Variants in CNNM4 observed in about 807,000 individuals in gnomAD.
The protein encoded by CNNM4 is metal transporter CNNM4.
A neutral mutation model predicts 53.7 loss-of-function variants in CNNM4; 32 were observed. The ratio of observed to expected loss-of-function variants is 0.60; its 90% CI spans 0.45 to 0.80. The LOEUF (loss-of-function observed/expected upper bound fraction) is 0.80. Among genes scored for constraint, CNNM4 ranks in the 30% least tolerant of loss-of-function variants. The probability of loss-of-function intolerance (pLI) is 0.00; values close to 1 mark genes in which losing one functional copy is unlikely to be tolerated. For missense variants in CNNM4, 784 were observed against 1,022.0 expected (o/e 0.77, Z 3.17); for synonymous variants, 410 against 440.0 (o/e 0.93, Z 0.85).
rs1251287993 is a variant in CNNM4, at chr2:96,797,032, G to A, written c.1423G>A (p.Val475Met). The A allele has an allele frequency of 1.2e-6, 2 of 1,613,448 alleles. No homozygotes were observed. The highest frequency in any genetic ancestry group is 2.2e-5 in the East Asian group (1 of 44,864). Reference protein sequence around the residue: ...FKKGKSHLAIVQKVNNEGEGD... With the variant: ...FKKGKSHLAIMQKVNNEGEGD... ...CACAGGGAAGTCCCACCTGGCCATC[G>A]TGCAGAAGGTAAACAACGAGGGTGA... The change falls in exon 2 of 7, where the codon GTG (valine) becomes ATG (methionine). Residue 475 changes from valine to methionine, a missense_variant. Physicochemically the swap from Val to Met is conservative, Grantham distance 21 (BLOSUM62 1). Around this residue, in one of 3 missense-constraint regions of CNNM4, gnomAD observed 473 missense variants for 624.6 expected, o/e 0.76. Coordinates refer to ENST00000377075, the MANE Select transcript of CNNM4 (RefSeq NM_020184.4). The surrounding 1 kb of genome is among the most constrained non-coding windows in gnomAD (Gnocchi z 6.0).
At chr2:96,805,481 G>T in intron 5 of CNNM4, among the ~76,000 whole-genome samples, 1 of 114,804 alleles carries the variant, frequency 8.7e-6, no homozygotes, top group Non-Finnish European at 1.8e-5. Flanking sequence ...ATAATTCTTG[G>T]GTGTTTCTCA....
At chr2:96,802,650 T>C (rs889760913) in intron 5 of CNNM4, among the ~76,000 whole-genome samples, 4 of 152,140 alleles carry the variant, frequency 2.6e-5, no homozygotes, top group African/African-American at 7.2e-5. Context: ...ATCAGGAGAG[T>C]ACGTGAGAGA....
intron 1 of CNNM4, among the ~76,000 whole-genome samples, chr2:96,765,839 G>A (rs1211612314): frequency 7.5e-5 from 11 of 145,708 alleles, no homozygotes; most frequent in East Asian, 2.0e-4. Flanking sequence ...TCATTGCCCC[G>A]GCTGGAGTGC....
chr2:96,773,886 AAAAT>A (rs961652902), intron 1 of CNNM4, among the ~76,000 whole-genome samples: 21 of 140,748 alleles, frequency 1.5e-4, no homozygotes, highest in South Asian at 8.6e-4. Flanking sequence ...AAGCTTATTA[AAAAT>A]AAATAAATAA....
At chr2:96,770,555 C>G (rs62156234) in intron 1 of CNNM4, among the ~76,000 whole-genome samples, 13,188 of 152,262 alleles carry the variant, frequency 0.087, 639 homozygotes, top group Middle Eastern at 0.16. Context: ...TGAGCCTCAC[C>G]GTCCTTCGCA....
intron 1 of CNNM4, among the ~76,000 whole-genome samples, chr2:96,765,219 C>T (rs893018832): frequency 1.3e-5 from 2 of 149,850 alleles, no homozygotes; most frequent in Non-Finnish European, 3.0e-5. Flanking sequence ...CTCTACCTCC[C>T]GGGTTAAAGC....
chr2:96,801,212 A>C lies in CNNM4; in HGVS notation c.1948+1564A>C. The C allele has an allele frequency of 9.2e-5, 68 of 741,340 alleles. No homozygotes were observed. The highest frequency in any genetic ancestry group is 1.1e-4 in the Non-Finnish European group (66 of 607,060). 45.9% of individuals were successfully genotyped at this position (741,340 alleles called of 1,614,324 possible). On this transcript the variant is annotated intron_variant, in intron 5 of 6. Transcript: ENST00000377075. This position sits in a 1 kb window ranked among gnomAD's most constrained non-coding sequence, Gnocchi z 5.6. ...ACTGCAGCTGCATTAACCTCCCCAC[A>C]TGGACCCGGACCCCCGCCTGCTCAA... is the stretch of plus-strand genomic sequence containing the variant.
In CNNM4 at chr2:96,808,786, C is replaced by T. The variant is rs764069917; in HGVS notation, c.2130+44C>T. On this transcript the variant is annotated intron_variant, in intron 6 of 6. Coordinates refer to ENST00000377075, the MANE Select transcript of CNNM4 (RefSeq NM_020184.4). This position sits in a 1 kb window ranked among gnomAD's most constrained non-coding sequence, Gnocchi z 4.9. ...TGTCTGGGCAGTGCTATCTTCTGCT[C>T]AGGAATCAGCTACTACTTTCATCCA... 3.2e-6 allele frequency: 5 copies of T among 1,586,902 alleles called. No homozygotes were observed. The highest frequency in any genetic ancestry group is 1.1e-5 in the South Asian group (1 of 90,388).
Position 96,809,313 on chromosome 2 carries a change from C to T in CNNM4, c.2131-7C>T. 6.2e-7 allele frequency: 1 copy of T among 1,614,106 alleles called. No homozygotes were observed. The highest frequency in any genetic ancestry group is 8.5e-7 in the Non-Finnish European group (1 of 1,180,000). On this transcript the variant is annotated splice_polypyrimidine_tract_variant and splice_region_variant and intron_variant, in intron 6 of 6. Transcript: ENST00000377075. ...TCCCTCCATGAACTCATCCCTTCCT[C>T]ATGCAGATCACTCGGCAGCAGTACC...
intron 1 of CNNM4, among the ~76,000 whole-genome samples, chr2:96,795,652 AG>A (rs2079097055): frequency 6.6e-6 from 1 of 152,074 alleles, no homozygotes; most frequent in Non-Finnish European, 1.5e-5. Context: ...TCCTCCACCG[AG>A]GGTATTTAGG....
chr2:96,777,388 G>A (rs924237078), intron 1 of CNNM4, among the ~76,000 whole-genome samples: 2 of 152,060 alleles, frequency 1.3e-5, no homozygotes. Flanking sequence ...TCTCTGTCAC[G>A]TAGGCTGGAT....
At chr2:96,796,911 C>A in intron 1 of CNNM4, 101 bp from the exon 2 acceptor site, 1 of 1,222,850 alleles carries the variant, frequency 8.2e-7, no homozygotes, top group Non-Finnish European at 1.2e-6. Context: ...ATGACCCCAT[C>A]CTGGTGACTT....
chr2:96,808,629 G>T lies in CNNM4; in HGVS notation c.2017G>T (p.Val673Phe), dbSNP rs762359675. The T allele has an allele frequency of 6.2e-7, 1 of 1,613,950 alleles. No homozygotes were observed. Among genetic ancestry groups the T allele is most frequent in the Non-Finnish European group, 8.5e-7 (1 of 1,180,016 alleles). ...CCTCAGTTACCCAGACCGCACAGAC[G>T]TCTCAACTGCAGCAACCTTGGCAGG... ...ASLSYPDRTD[V>F]STAATLAGSS... Residue 673 changes from valine to phenylalanine, a missense_variant, in exon 6 of 7, where the codon GTC becomes TTC. By Grantham distance (50) the Val-to-Phe change is conservative. Coordinates refer to ENST00000377075, the MANE Select transcript of CNNM4 (RefSeq NM_020184.4). The surrounding 1 kb of genome is among the most constrained non-coding windows in gnomAD (Gnocchi z 4.9).
chr2:96,782,594 C>T lies in CNNM4; in HGVS notation c.1403-14418C>T, dbSNP rs555427000. On this transcript the variant is annotated intron_variant, in intron 1 of 6. Transcript: ENST00000377075. ...TCCTCTTCCTCCCCTTCTGTTCCTA[C>T]ACCTAACAACCAGTATCAGCCTCTG... Among the ~76,000 whole-genome samples, 6 of 152,136 alleles carry T rather than the reference C, an allele frequency of 3.9e-5. No individual in the cohort carries two copies. In the South Asian group the frequency reaches 1.2e-3, roughly 32 times the overall value.
At chr2:96,776,225 T>G (rs2078923287) in intron 1 of CNNM4, among the ~76,000 whole-genome samples, 1 of 151,364 alleles carries the variant, frequency 6.6e-6, no homozygotes, top group Admixed American at 6.6e-5. Context: ...AGACGGGCTT[T>G]CACCGTGTTG....
chr2:96,806,574 T>A (rs772298705), intron 5 of CNNM4, among the ~76,000 whole-genome samples: 1 of 150,856 alleles, frequency 6.6e-6, no homozygotes, highest in Non-Finnish European at 1.5e-5. Context: ...AAAATTGTAT[T>A]GGTCATTGAG....
At chr2:96,788,895 G>T (rs978994781) in intron 1 of CNNM4, 14 of 152,334 alleles carry the variant, frequency 9.2e-5, no homozygotes, top group African/African-American at 3.4e-4. Flanking sequence ...GCTGGAGCTG[G>T]TGAGTAGGGC....
In CNNM4 at chr2:96,810,103, C is replaced by T. The variant is rs1025187943; in HGVS notation, c.*586C>T. 2 of 153,390 alleles carry T rather than the reference C, an allele frequency of 1.3e-5. No homozygotes were observed. Among genetic ancestry groups the T allele is most frequent in the East Asian group, 1.9e-4 (1 of 5,206 alleles). The allele number at this position is 153,390 out of a possible 1,614,324, so 9.5% of individuals were successfully genotyped here. ...GGCATGGAGATCAGCTGCCTGAGCA[C>T]CTGCGCTGTAGCTTATCTGACAACG... On this transcript the variant is annotated 3_prime_UTR_variant, in exon 7 of 7. Transcript: ENST00000377075. The surrounding 1 kb of genome is among the most constrained non-coding windows in gnomAD (Gnocchi z 4.1).
rs866429658 is a variant in CNNM4, at chr2:96,808,883, C to T, written c.2130+141C>T. The T allele has an allele frequency of 1.2e-5, 11 of 885,766 alleles. No homozygotes were observed. The highest frequency in any genetic ancestry group is 8.7e-5 in the South Asian group (6 of 69,330). 54.9% of individuals were successfully genotyped at this position (885,766 alleles called of 1,614,324 possible). A position where few individuals can be genotyped will look rare whatever the true frequency, so the allele number is the denominator to read the frequency against. ...GGAGATGGGGTCTTGCTCTGTCGCCCAGGCTGGAATGCAGTGGTGTGATCA... is the reference window on the plus strand; with the variant it reads ...GGAGATGGGGTCTTGCTCTGTCGCCTAGGCTGGAATGCAGTGGTGTGATCA... On this transcript the variant is annotated intron_variant, in intron 6 of 6. Transcript: ENST00000377075. The surrounding 1 kb of genome is among the most constrained non-coding windows in gnomAD (Gnocchi z 4.9).
Sources: allele counts gnomAD v4.1 joint callset (sites outside exome capture counted in the v4.1 genomes callset), GRCh38; gene constraint gnomAD v4.1.1; regional missense constraint gnomAD v4.1.1; non-coding constraint Gnocchi (gnomAD v3.1); transcripts MANE v1.5; gene names NCBI Gene and HGNC (gene_info 2026-07-23, HGNC 2026-07-21).